ATP8B1: variants seen among roughly 807,000 people sequenced by gnomAD.
ATP8B1 encodes ATPase phospholipid transporting 8B1, also known as phospholipid-transporting ATPase IC.
Under a neutral mutation model 149.9 loss-of-function variants are expected in ATP8B1, and 80 were observed. The ratio of observed to expected loss-of-function variants is 0.53; its 90% CI spans 0.45 to 0.64. The LOEUF is 0.64. ATP8B1 is among the 30% of genes least tolerant of loss of function. The pLI, the probability that ATP8B1 is intolerant of heterozygous loss-of-function variation, is 0.00. For missense variants in ATP8B1, 1,247 were observed against 1,552.6 expected (o/e 0.80, Z 3.31); for synonymous variants, 536 against 562.8 (o/e 0.95, Z 0.67).
chr18:57,788,757 T>G, intron 1 of ATP8B1, among the ~76,000 whole-genome samples: 1 of 152,106 alleles, frequency 6.6e-6, no homozygotes. Context: ...AACTATAAAG[T>G]GCTTTAAAAA....
In ATP8B1 at chr18:57,803,302, G is replaced by C. The variant is rs955119125; in HGVS notation, c.-330C>G. 5.9e-5 allele frequency among the ~76,000 whole-genome samples: 9 copies of C among 152,200 alleles called. No individual in the cohort carries two copies. Among genetic ancestry groups the C allele is most frequent in the Non-Finnish European group, 1.3e-4 (9 of 68,036 alleles). On this transcript the variant is annotated 5_prime_UTR_variant, in exon 1 of 28. Coordinates refer to ENST00000648908, the MANE Select transcript of ATP8B1 (RefSeq NM_001374385.1). The stretch of plus-strand genomic sequence containing the variant: ...ACCGGCCAAACTGGTTTCTCCGCTC[G>C]GGGAGGTGCCTCTGGTTTCCCTCCA...
chr18:57,672,956 TACA>T (rs1911346241), intron 16 of ATP8B1, among the ~76,000 whole-genome samples: 2 of 35,434 alleles, frequency 5.6e-5, no homozygotes, highest in South Asian at 1.0e-3. Flanking sequence ...CATATATACA[TACA>T]TATATCTACA....
intron 1 of ATP8B1, among the ~76,000 whole-genome samples, chr18:57,734,636 A>C (rs747092927): frequency 1.3e-5 from 2 of 152,210 alleles, no homozygotes; most frequent in Non-Finnish European, 2.9e-5. Flanking sequence ...CTTAGATTCT[A>C]CTGCATGATG....
At position 57,671,570 on chromosome 18, in the gene ATP8B1, T is replaced by C; in HGVS notation, c.1830A>G (p.Pro610=). The C allele has an allele frequency of 6.2e-7, 1 of 1,612,516 alleles. No homozygotes were observed. The highest frequency in any genetic ancestry group is 2.2e-5 in the East Asian group (1 of 44,870). The change falls in exon 17 of 28, where the codon CCA becomes CCG. Residue 610 remains proline, a synonymous_variant. Transcript: ENST00000648908. ...TACAGTAAAGCTTGATATTGCCTTCTGGGGTTCTTACTGGTAGTAAAAGAA... is the reference window on the plus strand; with the variant it reads ...TACAGTAAAGCTTGATATTGCCTTCCGGGGTTCTTACTGGTAGTAAAAGAA... ...RKRMSIIVRT[P]EGNIKLYCKG...
Position 57,648,552 on chromosome 18 carries a change from C to T in ATP8B1, c.3692G>A (p.Arg1231His). Reference sequence around the variant, plus strand: ...CGCCACGATGGCATCAAGCGGCGAGCGCTTCTTGCGGATGCTGCGCCCGGA... The same window carrying T: ...CGCCACGATGGCATCAAGCGGCGAGTGCTTCTTGCGGATGCTGCGCCCGGA... The part of the protein sequence containing the change: ...ISSGRSIRKK[R>H]SPLDAIVADG... Residue 1231 changes from arginine to histidine, a missense_variant, in exon 28 of 28, where the codon CGC becomes CAC. Arg to His is a conservative substitution (Grantham distance 29, BLOSUM62 0). Coordinates refer to ENST00000648908, the MANE Select transcript of ATP8B1 (RefSeq NM_001374385.1). 6.2e-7 allele frequency: 1 copy of T among 1,611,550 alleles called. No individual in the cohort carries two copies.
intron 1 of ATP8B1, among the ~76,000 whole-genome samples, chr18:57,752,084 G>C (rs1033632563): frequency 6.6e-6 from 1 of 151,888 alleles, no homozygotes; most frequent in Non-Finnish European, 1.5e-5. Flanking sequence ...GTGCGTGCCT[G>C]TGGTCCCAGC....
intron 4 of ATP8B1, 50 bp downstream of exon 4, chr18:57,704,505 T>A: frequency 8.2e-7 from 1 of 1,223,126 alleles, no homozygotes; most frequent in Non-Finnish European, 1.2e-6. Context: ...AGCTTAAATG[T>A]TATCGAGTCA....
At chr18:57,659,011 C>T (rs569511679) in intron 22 of ATP8B1, among the ~76,000 whole-genome samples, 19 of 152,284 alleles carry the variant, frequency 1.2e-4, no homozygotes, top group Middle Eastern at 3.4e-3. Context: ...TGAGGTGGCT[C>T]ATGCCTGTAA....
intron 1 of ATP8B1, chr18:57,801,931 C>G (rs1469595569): frequency 6.6e-6 from 1 of 152,316 alleles, no homozygotes; most frequent in Non-Finnish European, 1.5e-5. Flanking sequence ...CGGGTACTCA[C>G]CGGGCAGAAG....
intron 15 of ATP8B1, among the ~76,000 whole-genome samples, chr18:57,677,446 A>G (rs141991622): frequency 1.1e-3 from 175 of 152,278 alleles, no homozygotes; most frequent in African/African-American, 4.0e-3. Flanking sequence ...AAGAGCATTT[A>G]GTTTTCCAAA....
At chr18:57,745,290 G>C (rs978942933) in intron 1 of ATP8B1, among the ~76,000 whole-genome samples, 1 of 145,782 alleles carries the variant, frequency 6.9e-6, no homozygotes, top group Non-Finnish European at 1.5e-5. Flanking sequence ...TTTTTTTTTT[G>C]AGACAGTGTC....
chr18:57,803,304 G>C lies in ATP8B1; in HGVS notation c.-332C>G, dbSNP rs1599258036. Among the ~76,000 whole-genome samples the C allele has an allele frequency of 2.6e-5, 4 of 152,316 alleles. No homozygotes were observed. In the East Asian group the frequency reaches 7.7e-4, roughly 29 times the overall value. ...CGGCCAAACTGGTTTCTCCGCTCGG[G>C]GAGGTGCCTCTGGTTTCCCTCCAGC... On this transcript the variant is annotated 5_prime_UTR_variant, in exon 1 of 28. Coordinates refer to ENST00000648908, the MANE Select transcript of ATP8B1 (RefSeq NM_001374385.1).
intron 1 of ATP8B1, among the ~76,000 whole-genome samples, chr18:57,767,548 G>A (rs1474944157): frequency 6.6e-6 from 1 of 152,164 alleles, no homozygotes; most frequent in Non-Finnish European, 1.5e-5. Context: ...AGCACTTGGG[G>A]AGGGCGAGGT....
At chr18:57,704,699 G>A in intron 3 of ATP8B1, 31 bp from the exon 4 acceptor site, 1 of 1,387,624 alleles carries the variant, frequency 7.2e-7, no homozygotes. Flanking sequence ...CATTCTAAAT[G>A]ATGCTGTATT....
At chr18:57,665,692 C>T (rs1236881539) in intron 20 of ATP8B1, among the ~76,000 whole-genome samples, 3 of 151,836 alleles carry the variant, frequency 2.0e-5, no homozygotes, top group Non-Finnish European at 4.4e-5. Context: ...AGCTGGGATT[C>T]CAGGCACATG....
At chr18:57,703,002 G>A (rs1913207047) in intron 4 of ATP8B1, among the ~76,000 whole-genome samples, 2 of 152,120 alleles carry the variant, frequency 1.3e-5, no homozygotes, top group South Asian at 4.1e-4. Context: ...TTCCTACAGA[G>A]CAGCACCTTG....
At chr18:57,772,360 C>T (rs1255508109) in intron 1 of ATP8B1, among the ~76,000 whole-genome samples, 1 of 152,092 alleles carries the variant, frequency 6.6e-6, no homozygotes, top group Non-Finnish European at 1.5e-5. Flanking sequence ...GGGCCACTAT[C>T]TGATTGGGAG....
At chr18:57,713,223 C>T (rs1913804353) in intron 2 of ATP8B1, among the ~76,000 whole-genome samples, 6 of 130,310 alleles carry the variant, frequency 4.6e-5, no homozygotes, top group South Asian at 5.2e-4. Flanking sequence ...TTCCTTCCTT[C>T]CTTCCTTCCT....
chr18:57,793,527 A>G (rs1293760951), intron 1 of ATP8B1, among the ~76,000 whole-genome samples: 2 of 152,084 alleles, frequency 1.3e-5, no homozygotes, highest in East Asian at 1.9e-4. Context: ...CAAGAAATCA[A>G]AGCCAAAGTC....
Sources: gnomAD v4.1 joint callset for allele counts (sites outside exome capture counted in the v4.1 genomes callset) on GRCh38, gnomAD v4.1.1 for gene constraint, MANE v1.5 for transcripts, NCBI Gene and HGNC (gene_info 2026-07-23, HGNC 2026-07-21) for gene names.